Variants in MAEA observed in about 807,000 individuals in gnomAD.
The protein encoded by MAEA is E3 ubiquitin-protein transferase MAEA.
MAEA carries 22 observed loss-of-function variants against 46.2 expected under a neutral mutation model. The observed-to-expected ratio is 0.48, with a 90% CI of 0.34 to 0.68. MAEA has a LOEUF of 0.68. MAEA is among the 30% of genes least tolerant of loss of function. MAEA has a pLI of 0.01. For missense variants in MAEA, 393 were observed against 558.1 expected, an observed-to-expected ratio of 0.70 and a Z score of 2.98; for synonymous variants, 246 against 222.6, an observed-to-expected ratio of 1.11 and a Z score of -0.94.
At chr4:1,338,751 C>T (rs1296037644) in intron 8 of MAEA, 134 bp downstream of exon 8, 10 of 318,372 alleles carry the variant, frequency 3.1e-5, no homozygotes, top group Admixed American at 4.5e-5. Flanking sequence ...ACGGGCAGGG[C>T]GGGGGGCCAG....
chr4:1,335,605 T>G (rs1712649941), intron 6 of MAEA: 1 of 948,728 alleles, frequency 1.1e-6, no homozygotes, highest in Non-Finnish European at 1.2e-6. Flanking sequence ...CCCCATGGCG[T>G]GTTGAAACCA....
At chr4:1,317,256 C>T (rs568931222) in intron 3 of MAEA, among the ~76,000 whole-genome samples, 243 of 109,802 alleles carry the variant, frequency 2.2e-3, no homozygotes, top group South Asian at 3.5e-3. Context: ...ACCCGCAGGC[C>T]CACCCCAGCC....
chr4:1,295,847 C>T (rs1327328653), intron 1 of MAEA, among the ~76,000 whole-genome samples: 5 of 114,406 alleles, frequency 4.4e-5, no homozygotes, highest in Non-Finnish European at 3.5e-5. Context: ...TCACCCATGC[C>T]GGTGCCCACC....
chr4:1,302,578 C>T (rs901594583), intron 1 of MAEA, among the ~76,000 whole-genome samples: 2 of 152,202 alleles, frequency 1.3e-5, no homozygotes, highest in East Asian at 3.8e-4. Context: ...TTCCCGGGTT[C>T]ACGCCATTCT....
chr4:1,327,562 G>A (rs1050870288), intron 4 of MAEA, 65 bp from the exon 5 acceptor site: 33 of 1,152,748 alleles, frequency 2.9e-5, no homozygotes, highest in East Asian at 9.4e-5. Context: ...ATGCGGGTGC[G>A]GCACCCGGGC....
At chr4:1,296,366 C>T (rs562777980) in intron 1 of MAEA, among the ~76,000 whole-genome samples, 1 of 96,632 alleles carries the variant, frequency 1.0e-5, no homozygotes, top group South Asian at 4.9e-4. Flanking sequence ...CGCACCTGTG[C>T]CCCCCTCACC....
At chr4:1,339,036 G>C (rs1713185286) in intron 8 of MAEA, 38 bp from the exon 9 acceptor site, 1 of 1,474,578 alleles carries the variant, frequency 6.8e-7, no homozygotes, top group Middle Eastern at 1.7e-4. Flanking sequence ...GTACGTTGTA[G>C]TCGCTTGCCT....
intron 2 of MAEA, 114 bp from the exon 3 acceptor site, chr4:1,315,279 TCCCG>T: frequency 3.1e-6 from 3 of 959,544 alleles, no homozygotes; most frequent in Admixed American, 2.4e-5. Context: ...TTTTTTTCTG[TCCCG>T]TAATCCCTGC....
chr4:1,295,501 C>T (rs1244848710), intron 1 of MAEA, among the ~76,000 whole-genome samples: 1 of 151,910 alleles, frequency 6.6e-6, no homozygotes, highest in Admixed American at 6.5e-5. Flanking sequence ...CCTCCTTCCT[C>T]TCCTCCCAGG....
At chr4:1,314,027 C>A (rs532705352) in intron 2 of MAEA, among the ~76,000 whole-genome samples, 34 of 152,122 alleles carry the variant, frequency 2.2e-4, no homozygotes, top group Admixed American at 1.4e-3. Context: ...GAGTGAGACA[C>A]TGTCTTAAAA....
Position 1,323,400 on chromosome 4 carries a change from C to T in MAEA, c.579+897C>T, listed in dbSNP as rs140040627. 9.8e-5 allele frequency: 66 copies of T among 672,596 alleles called. No homozygotes were observed. In the East Asian group the frequency reaches 1.7e-3, roughly 17 times the overall value. The allele number at this position is 672,596 out of a possible 1,614,324, so 41.7% of individuals were successfully genotyped here. A position where few individuals can be genotyped will look rare whatever the true frequency, so the allele number is the denominator to read the frequency against. On this transcript the variant is annotated intron_variant, in intron 4 of 8. Transcript: ENST00000303400. Reference sequence around the variant, plus strand: ...TTCTGCCTCCATTAGCAAAACTTTTCTGTCTTCTAAACTGAGCGCTGCTTT... The same window carrying T: ...TTCTGCCTCCATTAGCAAAACTTTTTTGTCTTCTAAACTGAGCGCTGCTTT...
intron 2 of MAEA, among the ~76,000 whole-genome samples, chr4:1,315,131 A>T (rs184020323): frequency 6.6e-6 from 1 of 152,376 alleles, no homozygotes; most frequent in East Asian, 1.9e-4. Context: ...GCATCTGGCA[A>T]CATGGCTTCA....
At position 1,311,992 on chromosome 4, in the gene MAEA, C is replaced by T. The variant is rs1180676082; in HGVS notation, c.83C>T (p.Thr28Met). ...EYPTLKVPYE[T>M]LNKRFRAAQK... ...CTTCCTCTCCAGGTGCCCTACGAGA[C>T]GCTGAACAAACGCTTTCGCGCCGCT... The change falls in exon 2 of 9, where the codon ACG becomes ATG. Residue 28 changes from threonine to methionine, a missense_variant. Thr to Met is a moderately conservative substitution (Grantham distance 81). Around this residue, in one of 2 missense-constraint regions of MAEA, gnomAD observed 358 missense variants for 537.9 expected, o/e 0.67. Transcript: ENST00000303400. This position sits in a 1 kb window ranked among gnomAD's most constrained non-coding sequence, Gnocchi z 4.4. The T allele has an allele frequency of 8.1e-6, 13 of 1,609,974 alleles. No homozygotes were observed. Among genetic ancestry groups the T allele is most frequent in the South Asian group, 2.2e-5 (2 of 90,910 alleles).
intron 5 of MAEA, chr4:1,330,124 G>C (rs888410713): frequency 1.0e-6 from 1 of 985,332 alleles, no homozygotes. Flanking sequence ...GCAAAAGTAT[G>C]AGCTGCTAGT....
At position 1,337,006 on chromosome 4, in the gene MAEA, C is replaced by G. The variant is rs755017998; in HGVS notation, c.899+12C>G. ...GCCATCAAGACACCGTATCCTACCT[C>G]CCGTGCGCAGTGCGGTTTGGCCTGG... On this transcript the variant is annotated intron_variant, in intron 7 of 8. Coordinates refer to ENST00000303400, the MANE Select transcript of MAEA (RefSeq NM_001017405.3). The G allele has an allele frequency of 6.2e-7, 1 of 1,613,138 alleles. No individual in the cohort carries two copies. Among genetic ancestry groups the G allele is most frequent in the African/African-American group, 1.3e-5 (1 of 74,922 alleles).
At chr4:1,336,395 T>C (rs1294693475) in intron 6 of MAEA, among the ~76,000 whole-genome samples, 1 of 151,592 alleles carries the variant, frequency 6.6e-6, no homozygotes, top group Non-Finnish European at 1.5e-5. Flanking sequence ...AAGTCAGCAC[T>C]CACCCCACAG....
chr4:1,336,131 C>G (rs943054954), intron 6 of MAEA, among the ~76,000 whole-genome samples: 1 of 152,032 alleles, frequency 6.6e-6, no homozygotes, highest in African/African-American at 2.4e-5. Flanking sequence ...CATCCCGCAG[C>G]ATGTTGAAAT....
intron 5 of MAEA, chr4:1,328,594 G>T (rs1051799589): frequency 8.3e-7 from 1 of 1,202,430 alleles, no homozygotes; most frequent in South Asian, 1.5e-5. Flanking sequence ...ACCTGTCCAT[G>T]CCCACAGAAA....
At chr4:1,292,539 T>C (rs1734197848) in intron 1 of MAEA, among the ~76,000 whole-genome samples, 1 of 152,040 alleles carries the variant, frequency 6.6e-6, no homozygotes, top group Non-Finnish European at 1.5e-5. Context: ...CTGCGAACGT[T>C]TGGGCTGGAG....
Sources: allele counts gnomAD v4.1 joint callset (sites outside exome capture counted in the v4.1 genomes callset), GRCh38; gene constraint gnomAD v4.1.1; regional missense constraint gnomAD v4.1.1; non-coding constraint Gnocchi (gnomAD v3.1); transcripts MANE v1.5; gene names NCBI Gene and HGNC (gene_info 2026-07-23, HGNC 2026-07-21).